Variants in DPF2 observed in about 807,000 individuals in gnomAD.
The protein encoded by DPF2 is double PHD fingers 2, also known as zinc finger protein ubi-d4.
Under a neutral mutation model 59.6 loss-of-function variants are expected in DPF2, and 10 were observed. The observed-to-expected ratio is 0.17, with a 90% CI of 0.10 to 0.28. The LOEUF is 0.28. Among genes scored for constraint, DPF2 ranks in the 10% least tolerant of loss-of-function variants. DPF2 has a pLI of 1.00. For missense variants in DPF2, 315 were observed against 509.4 expected (o/e 0.62, Z 3.67); for synonymous variants, 189 against 190.6 (o/e 0.99, Z 0.07).
intron 6 of DPF2, chr11:65,345,281 CT>C (rs1231715592): frequency 2.0e-5 from 4 of 202,526 alleles, no homozygotes; most frequent in Non-Finnish European, 3.0e-5. Context: ...GTCTTATCCA[CT>C]TTTCCCCCTT....
chr11:65,346,396 C>G lies in DPF2; in HGVS notation c.1017+37C>G, dbSNP rs756475845. 4 of 1,583,958 alleles carry G rather than the reference C, an allele frequency of 2.5e-6. No homozygotes were observed. The East Asian group carries it at 6.7e-5, about 27-fold the overall frequency. ...CGCCCCCTCCTCAGCATGGCTCCTT[C>G]TGGGCTTTTACTGCTGTTTGCACAG... On this transcript the variant is annotated intron_variant, in intron 9 of 10. Transcript: ENST00000528416.
chr11:65,341,426 G>A lies in DPF2; in HGVS notation c.329G>A (p.Gly110Glu), dbSNP rs750066231. Reference protein sequence around the residue: ...PDTDQTLKKEGLISQDGSSLE... With the variant: ...PDTDQTLKKEELISQDGSSLE... The stretch of plus-strand genomic sequence containing the variant: ...ACAGACCAGACCCTGAAGAAGGAGG[G>A]GCTGATCTCTCAGGATGGCAGTAGT... Residue 110 changes from glycine (G) to glutamate (E), a missense_variant, in exon 4 of 11, where the codon GGG becomes GAG. Gly to Glu is a moderately conservative substitution (Grantham distance 98). Coordinates refer to ENST00000528416, the MANE Select transcript of DPF2 (RefSeq NM_006268.5). The A allele has an allele frequency of 3.1e-6, 5 of 1,614,172 alleles. No homozygotes were observed. The highest frequency in any genetic ancestry group is 4.2e-6 in the Non-Finnish European group (5 of 1,180,032).
Position 65,346,072 on chromosome 11 carries a change from T to G in DPF2, c.904+14T>G. 1.9e-6 allele frequency: 3 copies of G among 1,614,034 alleles called. No homozygotes were observed. Among genetic ancestry groups the G allele is most frequent in the Non-Finnish European group, 2.5e-6 (3 of 1,179,952 alleles). On this transcript the variant is annotated intron_variant, in intron 8 of 10. Transcript: ENST00000528416. ...GTGGCCGCTCAGGTACTGCTTCCCGTGAAGGCTGCTGCTTTGCCCAGTCCC... is the reference window on the plus strand; with the variant it reads ...GTGGCCGCTCAGGTACTGCTTCCCGGGAAGGCTGCTGCTTTGCCCAGTCCC...
At position 65,352,068 on chromosome 11, in the gene DPF2, C is replaced by T. The variant is rs1015468471; in HGVS notation, c.*309C>T. 7 of 385,590 alleles carry T rather than the reference C, an allele frequency of 1.8e-5. No individual in the cohort carries two copies. The highest frequency in any genetic ancestry group is 1.4e-4 in the African/African-American group (7 of 48,888). 23.9% of individuals were successfully genotyped at this position (385,590 alleles called of 1,614,324 possible). A position where few individuals can be genotyped will look rare whatever the true frequency, so the allele number is the denominator to read the frequency against. On this transcript the variant is annotated 3_prime_UTR_variant, in exon 11 of 11. Coordinates refer to ENST00000528416, the MANE Select transcript of DPF2 (RefSeq NM_006268.5). ...CCCAGCCCCTGGTGATCACAGGGTT[C>T]AAACAGTGTCCTCCTAGAAAGAGTG...
rs779590454 is a variant in DPF2, at chr11:65,341,429, T to C, written c.332T>C (p.Leu111Pro). Residue 111 changes from leucine to proline, a missense_variant, in exon 4 of 11, where the codon CTG becomes CCG. Leu to Pro is a moderately conservative substitution (Grantham distance 98). This residue lies in a region of DPF2 where 228 missense variants were observed against 275.3 expected (regional missense o/e 0.83). Transcript: ENST00000528416. ...DTDQTLKKEGLISQDGSSLEA... is the reference protein window; with the variant it reads ...DTDQTLKKEGPISQDGSSLEA... ...GACCAGACCCTGAAGAAGGAGGGGC[T>C]GATCTCTCAGGATGGCAGTAGTTTA... The C allele has an allele frequency of 6.8e-6, 11 of 1,614,118 alleles. No individual in the cohort carries two copies. In the East Asian group the frequency reaches 2.2e-4, roughly 33 times the overall value.
At position 65,351,744 on chromosome 11, in the gene DPF2, C is replaced by A. The variant is rs753511183; in HGVS notation, c.1161C>A (p.Asn387Lys). 1.2e-6 allele frequency: 2 copies of A among 1,613,350 alleles called. No homozygotes were observed. The highest frequency in any genetic ancestry group is 1.7e-5 in the Admixed American group (1 of 60,026). Residue 387 changes from asparagine (N) to lysine (K), a missense_variant, in exon 11 of 11, where the codon AAC becomes AAA. By Grantham distance (94) the Asn-to-Lys change is moderately conservative. Around this residue, in one of 4 missense-constraint regions of DPF2, gnomAD observed 27 missense variants for 125.8 expected, o/e 0.21. Transcript: ENST00000528416. Reference sequence around the variant, plus strand: ...AAGAGAAAGCTTCCATCTACCAGAACCAGAACTCCTCTTGATGTGGCCACC... The same window carrying A: ...AAGAGAAAGCTTCCATCTACCAGAAACAGAACTCCTCTTGATGTGGCCACC... The part of the protein sequence containing the change: ...LLKEKASIYQ[N>K]QNSS
chr11:65,341,268 T>C, intron 3 of DPF2, 131 bp from the exon 4 acceptor site: 1 of 1,363,478 alleles, frequency 7.3e-7, no homozygotes. Flanking sequence ...TGAACTAGGG[T>C]GTCTTAATTC....
At chr11:65,349,578 G>A (rs1854631243) in intron 10 of DPF2, among the ~76,000 whole-genome samples, 1 of 152,066 alleles carries the variant, frequency 6.6e-6, no homozygotes, top group Admixed American at 6.5e-5. Flanking sequence ...GGCGGATCAC[G>A]AGGTCAGGAC....
intron 1 of DPF2, among the ~76,000 whole-genome samples, chr11:65,336,133 A>G (rs1179429703): frequency 6.6e-6 from 1 of 151,978 alleles, no homozygotes; most frequent in Non-Finnish European, 1.5e-5. Context: ...TATGACTTGC[A>G]TCTTGTCCTG....
intron 1 of DPF2, among the ~76,000 whole-genome samples, chr11:65,337,774 A>T (rs1854243065): frequency 6.7e-6 from 1 of 149,212 alleles, no homozygotes; most frequent in Non-Finnish European, 1.5e-5. Flanking sequence ...AGCCTAGCTG[A>T]TGGTTTTTTT....
chr11:65,346,278 G>A lies in DPF2; in HGVS notation c.936G>A (p.Val312=). Residue 312 remains valine (V), a synonymous_variant, in exon 9 of 11, where the codon GTG becomes GTA. Transcript: ENST00000528416. ...CATCTTGCCTCCAATTTACCCCCGT[G>A]ATGATGGCGGCAGTGAAGACATACC... ...GHPSCLQFTP[V]MMAAVKTYRW... is the part of the protein sequence containing the mutation. 1 of 1,614,050 alleles carries A rather than the reference G, an allele frequency of 6.2e-7. No individual in the cohort carries two copies. Among genetic ancestry groups the A allele is most frequent in the Non-Finnish European group, 8.5e-7 (1 of 1,180,016 alleles).
chr11:65,336,568 G>A (rs955187336), intron 1 of DPF2, among the ~76,000 whole-genome samples: 7 of 151,320 alleles, frequency 4.6e-5, no homozygotes, highest in Non-Finnish European at 1.0e-4. Context: ...GAGGCGGGCA[G>A]ATCACAAGGT....
At chr11:65,337,496 T>TAGAG (rs1475373950) in intron 1 of DPF2, among the ~76,000 whole-genome samples, 37 of 57,206 alleles carry the variant, frequency 6.5e-4, no homozygotes, top group Non-Finnish European at 8.5e-4. Flanking sequence ...TATATATATA[T>TAGAG]ATATATATAG....
In DPF2 at chr11:65,353,019, TAAG is replaced by T. The variant is rs1295702619; in HGVS notation, c.*1264_*1266del. ...TGGTTTATCTCCTGCCTTTCTCCAT[TAAG>T]AAGGCCATTTCATCCTAAGATTTCC... On this transcript the variant is annotated 3_prime_UTR_variant, in exon 11 of 11. Transcript: ENST00000528416. 2.0e-5 allele frequency: 3 copies of T among 152,074 alleles called. No homozygotes were observed. The highest frequency in any genetic ancestry group is 2.1e-4 in the South Asian group (1 of 4,830). 9.4% of individuals were successfully genotyped at this position (152,074 alleles called of 1,614,324 possible).
Position 65,345,959 on chromosome 11 carries a change from C to T in DPF2, c.805C>T (p.Pro269Ser). ...AAAGGGTCCTGATGGATTGGCCTTG[C>T]CCAACAACTACTGTGACTTCTGCCT... is the stretch of plus-strand genomic sequence containing the variant. The part of the protein sequence containing the change: ...SKKGPDGLAL[P>S]NNYCDFCLGD... The change falls in exon 8 of 11, where the codon CCC becomes TCC. Residue 269 changes from proline (P) to serine (S), a missense_variant. Transcript: ENST00000528416. 1 of 1,614,166 alleles carries T rather than the reference C, an allele frequency of 6.2e-7. No individual in the cohort carries two copies. Among genetic ancestry groups the T allele is most frequent in the Non-Finnish European group, 8.5e-7 (1 of 1,180,034 alleles).
Position 65,352,421 on chromosome 11 carries a change from AC to A in DPF2, c.*663del, listed in dbSNP as rs1441201640. Reference sequence around the variant, plus strand: ...CCCATTGCTCTCCTGGCTCACTCTTACGGTCGGTCTCCAGTGACTGAAGCAT... The same window carrying A: ...CCCATTGCTCTCCTGGCTCACTCTTAGGTCGGTCTCCAGTGACTGAAGCAT... On this transcript the variant is annotated 3_prime_UTR_variant, in exon 11 of 11. Transcript: ENST00000528416. The A allele has an allele frequency of 1.3e-5, 2 of 152,318 alleles. No homozygotes were observed. The highest frequency in any genetic ancestry group is 2.9e-5 in the Non-Finnish European group (2 of 68,068). 9.4% of individuals were successfully genotyped at this position (152,318 alleles called of 1,614,324 possible).
At chr11:65,337,962 G>C (rs1057252289) in intron 1 of DPF2, among the ~76,000 whole-genome samples, 1 of 151,966 alleles carries the variant, frequency 6.6e-6, no homozygotes, top group South Asian at 2.1e-4. Context: ...GTACCACCAC[G>C]CCCGGCTAAT....
chr11:65,347,375 G>GC (rs1418122064), intron 9 of DPF2: 1 of 151,996 alleles, frequency 6.6e-6, no homozygotes, highest in Admixed American at 6.6e-5. Context: ...TGTCATCCAG[G>GC]CTGGAGTGCA....
intron 10 of DPF2, among the ~76,000 whole-genome samples, chr11:65,350,758 C>A (rs1854673753): frequency 6.6e-6 from 1 of 151,474 alleles, no homozygotes; most frequent in Non-Finnish European, 1.5e-5. Flanking sequence ...ACTTTGGGAT[C>A]TCTTGAGCCC....
Sources: gnomAD v4.1 joint callset for allele counts (sites outside exome capture counted in the v4.1 genomes callset) on GRCh38, gnomAD v4.1.1 for gene constraint, gnomAD v4.1.1 regional missense constraint, MANE v1.5 for transcripts, NCBI Gene and HGNC (gene_info 2026-07-23, HGNC 2026-07-21) for gene names.